SYNE1: variants seen among roughly 807,000 people sequenced by gnomAD.
The protein encoded by SYNE1 is nesprin-1.
SYNE1 carries 616 observed loss-of-function variants against 1,111.0 expected under a neutral mutation model. The ratio of observed to expected loss-of-function variants is 0.55; its 90% CI spans 0.52 to 0.59. SYNE1 has a LOEUF of 0.59. SYNE1 is among the 20% of genes least tolerant of loss of function. The pLI is 0.00. For missense variants in SYNE1, 10,006 were observed against 10,417.0 expected, an observed-to-expected ratio of 0.96 and a Z score of 1.72; for synonymous variants, 3,855 against 3,825.8, an observed-to-expected ratio of 1.01 and a Z score of -0.28.
chr6:152,126,317 A>T (rs980420917), intron 145 of SYNE1: 16 of 152,164 alleles, frequency 1.1e-4, no homozygotes, highest in African/African-American at 3.9e-4. Flanking sequence ...TGTTCTAGCG[A>T]TTTTAGTATC....
intron 53 of SYNE1, among the ~76,000 whole-genome samples, chr6:152,387,806 T>C (rs537769696): frequency 1.3e-5 from 2 of 152,232 alleles, no homozygotes; most frequent in East Asian, 3.8e-4. Context: ...ATTTGTTGAC[T>C]GGAATTCAAA....
intron 3 of SYNE1, among the ~76,000 whole-genome samples, chr6:152,541,747 C>CAAAAAAAAAAAAAAAAAAAAAAAAAAAAA: frequency 1.7e-5 from 1 of 60,310 alleles, no homozygotes. Flanking sequence ...GACTCCATCT[C>CAAAAAAAAAAAAAAAAAAAAAAAAAAAAA]AAAAAAAAAA....
At chr6:152,598,379 C>A (rs1048705733) in intron 3 of SYNE1, among the ~76,000 whole-genome samples, 1 of 152,160 alleles carries the variant, frequency 6.6e-6, no homozygotes, top group Non-Finnish European at 1.5e-5. Context: ...ACTGTGAGCC[C>A]GTTAAACCTC....
chr6:152,602,967 C>T (rs2099599706), intron 3 of SYNE1, among the ~76,000 whole-genome samples: 1 of 151,960 alleles, frequency 6.6e-6, no homozygotes, highest in African/African-American at 2.4e-5. Flanking sequence ...ACAAGCCATA[C>T]CCATAAAATG....
intron 11 of SYNE1, among the ~76,000 whole-genome samples, chr6:152,493,337 TTA>T: frequency 6.6e-6 from 1 of 152,140 alleles, no homozygotes; most frequent in South Asian, 2.1e-4. Flanking sequence ...CCACAACCCC[TTA>T]TTCTGTTCTG....
intron 117 of SYNE1, 125 bp from the exon 118 acceptor site, chr6:152,221,684 A>G (rs1014288639): frequency 8.3e-7 from 1 of 1,208,470 alleles, no homozygotes. Context: ...GGCATGACTT[A>G]GCACCAATGC....
Position 152,381,059 on chromosome 6 carries a change from G to A in SYNE1, c.8956C>T (p.Leu2986=). 1 of 1,614,152 alleles carries A rather than the reference G, an allele frequency of 6.2e-7. No homozygotes were observed. The highest frequency in any genetic ancestry group is 1.1e-5 in the South Asian group (1 of 91,086). ...TCCTCATCCGTGTTCTTGCCTTCCA[G>A]GAGGGTTAACTGCTGAGCCCAGGTT... ...LKTWAQQLTL[L]EGKNTDEEIV... The change falls in exon 56 of 146, where the codon CTG becomes TTG. Residue 2986 remains leucine, a synonymous_variant. Transcript: ENST00000367255.
In SYNE1 at chr6:152,284,028, G is replaced by T; in HGVS notation, c.18157C>A (p.Arg6053=). The T allele has an allele frequency of 6.2e-7, 1 of 1,614,190 alleles. No individual in the cohort carries two copies. ...LQSTLTVLAE[R]MSTIRMKASG... ...GCTTTCATCCTGATGGTGGACATTC[G>T]CTCGGCTAAGACAGTGAGCGTGGAC... Residue 6053 remains arginine (R), a synonymous_variant, in exon 96 of 146, where the codon CGA becomes AGA. Coordinates refer to ENST00000367255, the MANE Select transcript of SYNE1 (RefSeq NM_182961.4).
At chr6:152,372,276 A>G (rs2097203667) in intron 59 of SYNE1, among the ~76,000 whole-genome samples, 1 of 152,226 alleles carries the variant, frequency 6.6e-6, no homozygotes, top group Non-Finnish European at 1.5e-5. Flanking sequence ...ATTACAAAAC[A>G]GAGATCAATG....
chr6:152,391,650 A>G (rs1037199153), intron 51 of SYNE1, 82 bp from the exon 52 acceptor site: 1 of 1,460,726 alleles, frequency 6.8e-7, no homozygotes, highest in Admixed American at 2.4e-5. Flanking sequence ...ATGATTGTTG[A>G]TATTGGAGCA....
intron 87 of SYNE1, chr6:152,311,300 T>C (rs2095539063): frequency 5.2e-6 from 1 of 193,652 alleles, no homozygotes; most frequent in Non-Finnish European, 1.1e-5. Flanking sequence ...CTGAAGTTCA[T>C]ATTTGTCTAA....
chr6:152,549,506 G>A (rs978359248), intron 3 of SYNE1, among the ~76,000 whole-genome samples: 1 of 152,150 alleles, frequency 6.6e-6, no homozygotes, highest in African/African-American at 2.4e-5. Flanking sequence ...TTTCCATAAT[G>A]AAAAGATTCT....
At chr6:152,256,431 AAAATAAATAAATAAATAAAT>A (rs3038206) in intron 102 of SYNE1, among the ~76,000 whole-genome samples, 183 bp downstream of exon 102, 5 of 147,072 alleles carry the variant, frequency 3.4e-5, no homozygotes, top group African/African-American at 1.3e-4. Flanking sequence ...CTCGGTCTAA[AAAATAAATAAATAAATAAAT>A]AAATAAATAA....
intron 4 of SYNE1, among the ~76,000 whole-genome samples, chr6:152,530,487 T>C (rs1301234113): frequency 6.9e-6 from 1 of 145,008 alleles, no homozygotes; most frequent in Admixed American, 6.8e-5. Context: ...TTTTTTTTTT[T>C]ACTAAAACAG....
intron 3 of SYNE1, among the ~76,000 whole-genome samples, chr6:152,616,742 T>C (rs2099652988): frequency 6.6e-6 from 1 of 152,144 alleles, no homozygotes; most frequent in Non-Finnish European, 1.5e-5. Flanking sequence ...CTTTTCTACC[T>C]CTTAATTCCT....
At chr6:152,489,993 G>C (rs189019815) in intron 11 of SYNE1, among the ~76,000 whole-genome samples, 1 of 152,234 alleles carries the variant, frequency 6.6e-6, no homozygotes, top group Admixed American at 6.5e-5. Flanking sequence ...CAACCTCAGC[G>C]CTAATATTCA....
intron 136 of SYNE1, 21 bp downstream of exon 136, chr6:152,149,456 A>C: frequency 1.2e-6 from 2 of 1,614,046 alleles, no homozygotes; most frequent in Non-Finnish European, 1.7e-6. Flanking sequence ...AATGACAACT[A>C]AGAAAATCAA....
intron 4 of SYNE1, among the ~76,000 whole-genome samples, chr6:152,534,862 T>C (rs564893256): frequency 6.6e-6 from 1 of 152,352 alleles, no homozygotes; most frequent in South Asian, 2.1e-4. Flanking sequence ...AAATTCATGA[T>C]TAGCATGGAT....
chr6:152,319,001 T>G lies in SYNE1; in HGVS notation c.16251A>C (p.Ile5417=). 1 of 1,614,204 alleles carries G rather than the reference T, an allele frequency of 6.2e-7. No homozygotes were observed. Among genetic ancestry groups the G allele is most frequent in the Non-Finnish European group, 8.5e-7 (1 of 1,180,020 alleles). Reference sequence around the variant, plus strand: ...TGGCCTTGCTCTGCTCAACTTCTTTTATTTTGTCTTGGATCTAAAAAAATC... The same window carrying G: ...TGGCCTTGCTCTGCTCAACTTCTTTGATTTTGTCTTGGATCTAAAAAAATC... ...LKIRDQIQDK[I]KEVEQSKATS... Residue 5417 remains isoleucine, a synonymous_variant, in exon 85 of 146, where the codon ATA becomes ATC. Transcript: ENST00000367255.
Sources: gnomAD v4.1 joint callset for allele counts (sites outside exome capture counted in the v4.1 genomes callset) on GRCh38, gnomAD v4.1.1 for gene constraint, MANE v1.5 for transcripts, NCBI Gene and HGNC (gene_info 2026-07-23, HGNC 2026-07-21) for gene names.